The following MLPH variants were observed in gnomAD, a reference collection of about 807,000 sequenced individuals.
MLPH encodes melanophilin.
In MLPH, 51 loss-of-function variants were observed where a neutral mutation model predicts 72.1. The ratio of observed to expected loss-of-function variants is 0.71; its 90% CI spans 0.56 to 0.89. MLPH has a LOEUF of 0.89. MLPH is among the 40% of genes least tolerant of loss of function. The pLI is 0.00. For synonymous variants in MLPH, 301 were observed against 310.1 expected (o/e 0.97, Z 0.31); for missense variants, 743 against 759.9 (o/e 0.98, Z 0.26).
rs1228971328 is a variant in MLPH at position 237,550,800 on chromosome 2, C to T, written c.1675+1522C>T. Among the ~76,000 whole-genome samples the T allele has an allele frequency of 3.3e-5, 5 of 152,282 alleles. No homozygotes were observed. In the East Asian group the frequency reaches 7.7e-4, roughly 24 times the overall value. On this transcript the variant is annotated intron_variant, in intron 14 of 15. Coordinates refer to ENST00000264605, the MANE Select transcript of MLPH (RefSeq NM_024101.7). ...CTGACGTCAGATGATCCATCCACCT[C>T]GGCCTCCCAAAGTGCTGGGATTACA...
At chr2:237,516,366 T>C (rs1180468775) in intron 4 of MLPH, among the ~76,000 whole-genome samples, 1 of 151,932 alleles carries the variant, frequency 6.6e-6, no homozygotes, top group African/African-American at 2.4e-5. Flanking sequence ...AGGAGGTCAG[T>C]GTGAGGAAGG....
intron 2 of MLPH, among the ~76,000 whole-genome samples, chr2:237,504,595 G>A (rs899159863): frequency 4.6e-5 from 7 of 152,266 alleles, no homozygotes; most frequent in Admixed American, 2.0e-4. Flanking sequence ...ACTGCCCCAC[G>A]GCCAGCCCTC....
rs201034029 is a variant in MLPH at position 237,488,319 on chromosome 2, G to A, written c.-25+882G>A. On this transcript the variant is annotated intron_variant, in intron 1 of 15. Coordinates refer to ENST00000264605, the MANE Select transcript of MLPH (RefSeq NM_024101.7). ...AAAGGCTTCTGGACTTGCAGACCGCGTTGCTGAGCAGTGACATTGACACCC... is the reference window on the plus strand; with the variant it reads ...AAAGGCTTCTGGACTTGCAGACCGCATTGCTGAGCAGTGACATTGACACCC... Among the ~76,000 whole-genome samples the A allele has an allele frequency of 2.5e-4, 38 of 152,258 alleles. No homozygotes were observed. The East Asian group carries it at 6.8e-3, about 27-fold the overall frequency.
chr2:237,538,245 C>T lies in MLPH; in HGVS notation c.1105-2103C>T, dbSNP rs191742209. 2.2e-3 allele frequency among the ~76,000 whole-genome samples: 329 copies of T among 152,302 alleles called. 1 individual carries two copies. The highest frequency in any genetic ancestry group is 6.9e-3 in the African/African-American group (286 of 41,562). On this transcript the variant is annotated intron_variant, in intron 9 of 15. Coordinates refer to ENST00000264605, the MANE Select transcript of MLPH (RefSeq NM_024101.7). ...CTTTCCCCCAGGAGGGCGGGGCCTGCGTCTGCTGAAGGGAACTCAGCATAG... is the reference window on the plus strand; with the variant it reads ...CTTTCCCCCAGGAGGGCGGGGCCTGTGTCTGCTGAAGGGAACTCAGCATAG...
intron 2 of MLPH, among the ~76,000 whole-genome samples, chr2:237,496,421 C>G (rs2079537120): frequency 6.6e-6 from 1 of 152,184 alleles, no homozygotes; most frequent in Non-Finnish European, 1.5e-5. Flanking sequence ...GGCTCACCCC[C>G]TTCTGACACC....
At chr2:237,523,339 G>T (rs1181646365) in intron 6 of MLPH, among the ~76,000 whole-genome samples, 1 of 152,184 alleles carries the variant, frequency 6.6e-6, no homozygotes, top group East Asian at 1.9e-4. Flanking sequence ...TAAGATTAAG[G>T]GGATTAGGGC....
Position 237,555,025 on chromosome 2 carries a change from T to C in MLPH, c.*1433T>C, listed in dbSNP as rs2081100718. 6.6e-6 allele frequency: 1 copy of C among 152,200 alleles called. No individual in the cohort carries two copies. The highest frequency in any genetic ancestry group is 1.5e-5 in the Non-Finnish European group (1 of 68,036). The allele number at this position is 152,200 out of a possible 1,614,324, so 9.4% of individuals were successfully genotyped here. On this transcript the variant is annotated 3_prime_UTR_variant, in exon 16 of 16. Coordinates refer to ENST00000264605, the MANE Select transcript of MLPH (RefSeq NM_024101.7). ...GGCTCATACCTATAATCCCAGCCCTTTGAGAGGCCAAGGTGGGAGAATTGC... is the reference window on the plus strand; with the variant it reads ...GGCTCATACCTATAATCCCAGCCCTCTGAGAGGCCAAGGTGGGAGAATTGC...
At chr2:237,508,701 G>A (rs2079827838) in intron 2 of MLPH, among the ~76,000 whole-genome samples, 1 of 152,134 alleles carries the variant, frequency 6.6e-6, no homozygotes, top group Non-Finnish European at 1.5e-5. Flanking sequence ...GGTAGAAATT[G>A]TGCCCATTTC....
intron 11 of MLPH, 50 bp from the exon 12 acceptor site, chr2:237,542,517 G>T: frequency 7.0e-7 from 1 of 1,437,066 alleles, no homozygotes; most frequent in South Asian, 1.2e-5. Flanking sequence ...CTTTGAGGCG[G>T]GATCTCGAGC....
chr2:237,518,188 G>A, intron 4 of MLPH: 1 of 392,232 alleles, frequency 2.5e-6, no homozygotes, highest in Admixed American at 3.6e-5. Flanking sequence ...GATTGAGTGG[G>A]TGGATGGGTG....
chr2:237,517,787 T>G (rs2080082449), intron 4 of MLPH, among the ~76,000 whole-genome samples: 5 of 125,112 alleles, frequency 4.0e-5, no homozygotes, highest in South Asian at 2.6e-4. Flanking sequence ...ATGGGTGCAT[T>G]GGTGGGTGGA....
In MLPH at chr2:237,511,058, T is replaced by G. The variant is rs1447985825; in HGVS notation, c.402T>G (p.Ser134Arg). 6.2e-7 allele frequency: 1 copy of G among 1,613,818 alleles called. No individual in the cohort carries two copies. The highest frequency in any genetic ancestry group is 1.3e-5 in the African/African-American group (1 of 74,890). Residue 134 changes from serine (S) to arginine (R), a missense_variant, in exon 4 of 16, where the codon AGT becomes AGG. Ser to Arg is a moderately radical substitution (Grantham distance 110). Coordinates refer to ENST00000264605, the MANE Select transcript of MLPH (RefSeq NM_024101.7). ...HVKARFKRFG[S>R]AKVIRSLHGR... Reference sequence around the variant, plus strand: ...AAGCCCGCTTCAAGAGGTTCGGAAGTGCCAAGGTCATCCGGTCCCTCCACG... The same window carrying G: ...AAGCCCGCTTCAAGAGGTTCGGAAGGGCCAAGGTCATCCGGTCCCTCCACG...
At chr2:237,497,216 T>TA (rs2079553528) in intron 2 of MLPH, among the ~76,000 whole-genome samples, 1 of 152,192 alleles carries the variant, frequency 6.6e-6, no homozygotes, top group Admixed American at 6.5e-5. Context: ...AATGCTCTCT[T>TA]ACCTGCCAAT....
Position 237,510,517 on chromosome 2 carries a change from AG to A in MLPH, c.111-56del, listed in dbSNP as rs1282705865. 37 of 1,508,924 alleles carry A rather than the reference AG, an allele frequency of 2.5e-5. No homozygotes were observed. Among genetic ancestry groups the A allele is most frequent in the Non-Finnish European group, 3.2e-5 (35 of 1,092,464 alleles). 93.5% of individuals were successfully genotyped at this position (1,508,924 alleles called of 1,614,324 possible). On this transcript the variant is annotated intron_variant, in intron 2 of 15. Transcript: ENST00000264605. The surrounding 1 kb of genome is among the most constrained non-coding windows in gnomAD (Gnocchi z 4.4). Reference sequence around the variant, plus strand: ...TGTGTATGTACGTGTACACACTTAAAGCCTGTTGCAAAAACAAGATGCCCAA... The same window carrying A: ...TGTGTATGTACGTGTACACACTTAAACCTGTTGCAAAAACAAGATGCCCAA...
intron 1 of MLPH, among the ~76,000 whole-genome samples, chr2:237,489,844 T>C (rs765148665): frequency 6.6e-6 from 1 of 152,120 alleles, no homozygotes; most frequent in Non-Finnish European, 1.5e-5. Flanking sequence ...TTCAACTCTT[T>C]AGCGGATAAA....
chr2:237,542,495 T>G, intron 11 of MLPH, 72 bp from the exon 12 acceptor site: 1 of 1,266,994 alleles, frequency 7.9e-7, no homozygotes, highest in Non-Finnish European at 1.1e-6. Context: ...CAGCTGCTCT[T>G]TCTGTCCATG....
At chr2:237,496,839 T>C (rs549599764) in intron 2 of MLPH, among the ~76,000 whole-genome samples, 2 of 152,282 alleles carry the variant, frequency 1.3e-5, no homozygotes, top group South Asian at 2.1e-4. Flanking sequence ...GTCAAGGTAG[T>C]GTTAGGTCGA....
At chr2:237,516,304 A>G (rs1038140991) in intron 4 of MLPH, among the ~76,000 whole-genome samples, 1 of 152,240 alleles carries the variant, frequency 6.6e-6, no homozygotes, top group Non-Finnish European at 1.5e-5. Context: ...AGCCAAGGTC[A>G]GTAGGAGAAA....
At chr2:237,516,656 C>T (rs901806678) in intron 4 of MLPH, among the ~76,000 whole-genome samples, 2 of 152,278 alleles carry the variant, frequency 1.3e-5, no homozygotes, top group African/African-American at 2.4e-5. Context: ...TGCAGATTAC[C>T]GGTTTTTATA....
Sources: allele counts gnomAD v4.1 joint callset (sites outside exome capture counted in the v4.1 genomes callset), GRCh38; gene constraint gnomAD v4.1.1; non-coding constraint Gnocchi (gnomAD v3.1); transcripts MANE v1.5; gene names NCBI Gene and HGNC (gene_info 2026-07-23, HGNC 2026-07-21).